Variants in TRHDE observed in about 807,000 individuals in gnomAD.
The protein encoded by TRHDE is thyrotropin-releasing hormone-degrading ectoenzyme.
In TRHDE, 72 loss-of-function variants were observed where a neutral mutation model predicts 125.7. That is an observed-to-expected ratio of 0.57 (90% CI 0.47 to 0.70). The LOEUF is 0.70. Among genes scored for constraint, TRHDE ranks in the 30% least tolerant of loss-of-function variants. TRHDE has a pLI of 0.00. For missense variants in TRHDE, 1,110 were observed against 1,327.1 expected (o/e 0.84, Z 2.54); for synonymous variants, 509 against 509.1 (o/e 1.00, Z 0.00).
rs150264111 is a variant in TRHDE at position 72,191,881 on chromosome 12, G to A, written n.279+86129G>A. Among the ~76,000 whole-genome samples the A allele has an allele frequency of 7.4e-4, 112 of 152,144 alleles. 1 individual carries two copies. In the East Asian group the frequency reaches 0.016, roughly 22 times the overall value. On this transcript the variant is annotated intron_variant and non_coding_transcript_variant, in intron 2 of 4. Transcript: ENST00000548156. The stretch of plus-strand genomic sequence containing the variant: ...AAAATCAGTGACTGAAATACTTTCC[G>A]AAAACAGAATCCTCCCACTGAAGTT...
At chr12:72,153,404 G>A (rs1876419128) in intron 2 of TRHDE, among the ~76,000 whole-genome samples, 2 of 152,024 alleles carry the variant, frequency 1.3e-5, no homozygotes, top group African/African-American at 4.8e-5. Context: ...CTTCAGTTCT[G>A]CTCTGATCTT....
chr12:72,490,213 CA>C (rs1565762857), intron 5 of TRHDE, among the ~76,000 whole-genome samples: 1 of 151,612 alleles, frequency 6.6e-6, no homozygotes, highest in African/African-American at 2.4e-5. Context: ...TAAAAATAGC[CA>C]GCAGATATAT....
intron 9 of TRHDE, among the ~76,000 whole-genome samples, chr12:72,567,003 A>G (rs1209902256): frequency 6.6e-6 from 1 of 151,982 alleles, no homozygotes; most frequent in Non-Finnish European, 1.5e-5. Context: ...GTTGGGCATC[A>G]TGGTCTCTTA....
In TRHDE at chr12:72,529,182, G is replaced by T. The variant is rs186054336; in HGVS notation, c.1723-13109G>T. Among the ~76,000 whole-genome samples the T allele has an allele frequency of 1.2e-3, 175 of 152,114 alleles. No homozygotes were observed. In the Middle Eastern group the frequency reaches 0.014, roughly 12 times the overall value. On this transcript the variant is annotated intron_variant, in intron 6 of 18. Transcript: ENST00000261180. Reference sequence around the variant, plus strand: ...AGAGTAAGAAATTTATATAAAATATGACTGAACTAAATGAGATTAATTATA... The same window carrying T: ...AGAGTAAGAAATTTATATAAAATATTACTGAACTAAATGAGATTAATTATA...
At chr12:72,359,203 A>G (rs1046213194) in intron 2 of TRHDE, among the ~76,000 whole-genome samples, 1 of 151,382 alleles carries the variant, frequency 6.6e-6, no homozygotes, top group African/African-American at 2.4e-5. Flanking sequence ...ATCTGAAGAG[A>G]GGTGAAGAAA....
At chr12:72,390,344 A>G (rs1243065292) in intron 3 of TRHDE, among the ~76,000 whole-genome samples, 1 of 152,204 alleles carries the variant, frequency 6.6e-6, no homozygotes, top group African/African-American at 2.4e-5. Context: ...ATAGCCAAAT[A>G]GCAATCCAAA....
intron 2 of TRHDE, among the ~76,000 whole-genome samples, chr12:72,345,521 A>G (rs1870288888): frequency 1.3e-5 from 2 of 152,170 alleles, no homozygotes; most frequent in Non-Finnish European, 2.9e-5. Context: ...TGTTTTCAAT[A>G]TAACTGATTT....
chr12:72,469,578 C>T (rs1876546024), intron 3 of TRHDE, among the ~76,000 whole-genome samples, 180 bp from the exon 4 acceptor site: 1 of 152,094 alleles, frequency 6.6e-6, no homozygotes, highest in Non-Finnish European at 1.5e-5. Flanking sequence ...CCAGCATTTG[C>T]AGTGATAGCC....
At chr12:72,623,983 G>T (rs1234985576) in intron 15 of TRHDE, among the ~76,000 whole-genome samples, 1 of 151,840 alleles carries the variant, frequency 6.6e-6, no homozygotes, top group Admixed American at 6.6e-5. Context: ...TCTCTGCTTT[G>T]CTTTCTTTTG....
chr12:72,442,111 T>C (rs573070603), intron 3 of TRHDE, among the ~76,000 whole-genome samples: 3 of 152,050 alleles, frequency 2.0e-5, no homozygotes, highest in Admixed American at 2.0e-4. Context: ...GGGATTTACG[T>C]TGGCATCCTG....
intron 3 of TRHDE, among the ~76,000 whole-genome samples, chr12:72,393,369 G>A (rs537449811): frequency 2.6e-5 from 4 of 152,204 alleles, no homozygotes; most frequent in South Asian, 2.1e-4. Flanking sequence ...AGCCTCATGC[G>A]TAGGCCACTG....
At chr12:72,467,998 A>G (rs1210158895) in intron 3 of TRHDE, among the ~76,000 whole-genome samples, 3 of 152,256 alleles carry the variant, frequency 2.0e-5, no homozygotes, top group African/African-American at 7.2e-5. Context: ...CCATACCACT[A>G]ACAGTGAAAT....
intron 2 of TRHDE, among the ~76,000 whole-genome samples, chr12:72,232,371 GA>G (rs1413709853): frequency 1.3e-5 from 2 of 152,236 alleles, no homozygotes; most frequent in Non-Finnish European, 2.9e-5. Context: ...CGGGGCAGAG[GA>G]ATGCTGCCTC....
intron 2 of TRHDE, among the ~76,000 whole-genome samples, chr12:72,346,492 A>T (rs1870334630): frequency 7.4e-6 from 1 of 134,758 alleles, no homozygotes; most frequent in African/African-American, 2.8e-5. Flanking sequence ...ACTGTTCCCG[A>T]GGAGCATCTT....
intron 2 of TRHDE, among the ~76,000 whole-genome samples, chr12:72,315,919 C>T (rs1385364328): frequency 1.3e-5 from 2 of 151,890 alleles, no homozygotes; most frequent in African/African-American, 2.4e-5. Flanking sequence ...ATGATTTTTT[C>T]CCCCTTTTTA....
intron 7 of TRHDE, among the ~76,000 whole-genome samples, chr12:72,554,094 C>A (rs1259883391): frequency 6.6e-6 from 1 of 152,090 alleles, no homozygotes; most frequent in Non-Finnish European, 1.5e-5. Flanking sequence ...GTGATTCATG[C>A]GCTTCGGCCT....
At chr12:72,343,326 T>A (rs1356067915) in intron 2 of TRHDE, among the ~76,000 whole-genome samples, 1 of 152,064 alleles carries the variant, frequency 6.6e-6, no homozygotes, top group Non-Finnish European at 1.5e-5. Context: ...GCTATCTGAA[T>A]ATACAAAACA....
chr12:72,334,988 C>G (rs544777476), intron 2 of TRHDE, among the ~76,000 whole-genome samples: 1 of 152,114 alleles, frequency 6.6e-6, no homozygotes, highest in Non-Finnish European at 1.5e-5. Context: ...CAGAATGATC[C>G]CTTTAAAGGA....
chr12:72,349,579 C>G (rs1565708415), intron 2 of TRHDE, among the ~76,000 whole-genome samples: 1 of 151,900 alleles, frequency 6.6e-6, no homozygotes, highest in African/African-American at 2.4e-5. Flanking sequence ...GGCTTATAGA[C>G]AAATACACAT....
Sources: gnomAD v4.1 joint callset for allele counts (sites outside exome capture counted in the v4.1 genomes callset) on GRCh38, gnomAD v4.1.1 for gene constraint, MANE v1.5 for transcripts, NCBI Gene and HGNC (gene_info 2026-07-23, HGNC 2026-07-21) for gene names.